The following CDKN2A variants were observed in gnomAD, a reference collection of about 807,000 sequenced individuals.
CDKN2A encodes the protein cyclin dependent kinase inhibitor 2A.
CDKN2A carries 3 observed loss-of-function variants against 11.1 expected under a neutral mutation model. The observed-to-expected ratio is 0.27, with a 90% CI of 0.12 to 0.70. The LOEUF is 0.70. Among genes scored for constraint, CDKN2A ranks in the 30% least tolerant of loss-of-function variants. The pLI is 0.77. For missense variants in CDKN2A, 265 were observed against 233.6 expected (o/e 1.13, Z -0.88); for synonymous variants, 122 against 108.1 (o/e 1.13, Z -0.80).
rs1008092249 is a variant in CDKN2A, at chr9:21,987,331, T to C, written c.-4+6551A>G. ...GCTTTGATTTTTCTTTTTTACATAA[T>C]TTTAGGTTGTCATGTTTATTACGAG... On this transcript the variant is annotated intron_variant, in intron 2 of 3. Transcript: ENST00000494262. Among the ~76,000 whole-genome samples, 88 of 151,546 alleles carry C rather than the reference T, an allele frequency of 5.8e-4. 1 individual carries two copies. The highest frequency in any genetic ancestry group is 1.6e-4 in the Non-Finnish European group (11 of 67,888).
intron 2 of CDKN2A, among the ~76,000 whole-genome samples, chr9:21,987,058 AT>A (rs1820315651): frequency 6.6e-6 from 1 of 152,122 alleles, no homozygotes; most frequent in African/African-American, 2.4e-5. Flanking sequence ...CTGGTGTAAT[AT>A]TAGACAAATT....
In CDKN2A at chr9:21,987,605, T is replaced by C. The variant is rs542491132; in HGVS notation, c.-4+6277A>G. On this transcript the variant is annotated intron_variant, in intron 2 of 3. Coordinates refer to the CDKN2A transcript ENST00000494262. Reference sequence around the variant, plus strand: ...TGTTATATTTTTTTCTCTCAAACTATGTTCTGACTGTAAAAATGTGGTATC... The same window carrying C: ...TGTTATATTTTTTTCTCTCAAACTACGTTCTGACTGTAAAAATGTGGTATC... Among the ~76,000 whole-genome samples the C allele has an allele frequency of 3.3e-5, 5 of 152,270 alleles. No individual in the cohort carries two copies. The South Asian group carries it at 8.3e-4, about 25-fold the overall frequency.
chr9:21,994,249 G>T, intron 1 of CDKN2A: 1 of 1,606,644 alleles, frequency 6.2e-7, no homozygotes. Flanking sequence ...CGTGAGCCGC[G>T]GGATGTGAAC....
chr9:21,973,368 TG>T (rs1356270385), intron 1 of CDKN2A, among the ~76,000 whole-genome samples: 1 of 152,252 alleles, frequency 6.6e-6, no homozygotes, highest in Non-Finnish European at 1.5e-5. Flanking sequence ...TAAACACCAA[TG>T]TAGTTAGGAT....
At chr9:21,980,427 C>A (rs1331777215) in intron 2 of CDKN2A, among the ~76,000 whole-genome samples, 2 of 152,072 alleles carry the variant, frequency 1.3e-5, no homozygotes. Context: ...TTTTCACATT[C>A]CATGATTTAT....
chr9:21,983,915 T>C (rs3731222), intron 2 of CDKN2A, among the ~76,000 whole-genome samples: 15,465 of 152,084 alleles, frequency 0.1, 977 homozygotes, highest in Non-Finnish European at 0.14. Context: ...GAATAAGTTA[T>C]GTAAACTTTC....
chr9:21,988,776 A>G lies in CDKN2A; in HGVS notation c.-4+5106T>C, dbSNP rs1252049035. ...AATAAAAGTTGAAAAAAAATCTACGAGGCACTATATTTTTAAAAATACCAC... is the reference window on the plus strand; with the variant it reads ...AATAAAAGTTGAAAAAAAATCTACGGGGCACTATATTTTTAAAAATACCAC... On this transcript the variant is annotated intron_variant, in intron 2 of 3. Transcript: ENST00000494262. This position sits in a 1 kb window ranked among gnomAD's most constrained non-coding sequence, Gnocchi z 4.1. 1.3e-5 allele frequency among the ~76,000 whole-genome samples: 2 copies of G among 152,196 alleles called. No homozygotes were observed. The highest frequency in any genetic ancestry group is 2.9e-5 in the Non-Finnish European group (2 of 68,044).
At chr9:21,971,345 A>C (rs1255615015) in intron 1 of CDKN2A, 137 bp from the exon 2 acceptor site, 19 of 1,504,690 alleles carry the variant, frequency 1.3e-5, no homozygotes, top group East Asian at 7.4e-5. Flanking sequence ...ATTTGCTTCC[A>C]GTTTCCAATT....
rs774267893 is a variant in CDKN2A, at chr9:21,974,012, T to G, written c.150+666A>C. Among the ~76,000 whole-genome samples the G allele has an allele frequency of 5.9e-5, 9 of 152,052 alleles. No homozygotes were observed. Among genetic ancestry groups the G allele is most frequent in the Non-Finnish European group, 1.3e-4 (9 of 67,998 alleles). ...TTCAAGCGATTCTCCTGCCTCAACC[T>G]CCCGAGTAGCTGGGATTACAGGCGC... is the stretch of plus-strand genomic sequence containing the variant. On this transcript the variant is annotated intron_variant, in intron 1 of 2. Coordinates refer to ENST00000304494, the MANE Select transcript of CDKN2A (RefSeq NM_000077.5). The surrounding 1 kb of genome is among the most constrained non-coding windows in gnomAD (Gnocchi z 5.2).
chr9:21,976,960 T>G (rs955492268), upstream of CDKN2A, among the ~76,000 whole-genome samples: 15 of 152,280 alleles, frequency 9.9e-5, no homozygotes, highest in Admixed American at 9.8e-4. Flanking sequence ...CTTAAGCACA[T>G]GCTTAATCTG....
At chr9:21,977,647 T>G (rs1820072541), upstream of CDKN2A, among the ~76,000 whole-genome samples, 1 of 152,226 alleles carries the variant, frequency 6.6e-6, no homozygotes, top group South Asian at 2.1e-4. Flanking sequence ...ATTACAGGCA[T>G]GAGCCATCGT....
intron 2 of CDKN2A, among the ~76,000 whole-genome samples, chr9:21,980,423 C>T (rs946457989): frequency 6.6e-6 from 1 of 152,158 alleles, no homozygotes; most frequent in Non-Finnish European, 1.5e-5. Context: ...TTACTTTTCA[C>T]ATTCCATGAT....
In CDKN2A at chr9:21,991,328, T is replaced by C. The variant is rs1820424576; in HGVS notation, c.-4+2554A>G. On this transcript the variant is annotated intron_variant, in intron 2 of 3. Coordinates refer to the CDKN2A transcript ENST00000494262. The surrounding 1 kb of genome is among the most constrained non-coding windows in gnomAD (Gnocchi z 5.2). Reference sequence around the variant, plus strand: ...TTTTTTTTAAGCTCATCAGCTATTGTTAGTGTTAGTGTATTTAATGTGTGT... The same window carrying C: ...TTTTTTTTAAGCTCATCAGCTATTGCTAGTGTTAGTGTATTTAATGTGTGT... 6.6e-6 allele frequency among the ~76,000 whole-genome samples: 1 copy of C among 151,908 alleles called. No individual in the cohort carries two copies. Among genetic ancestry groups the C allele is most frequent in the East Asian group, 1.9e-4 (1 of 5,176 alleles).
intron 2 of CDKN2A, among the ~76,000 whole-genome samples, chr9:21,986,376 A>C (rs1820296810): frequency 6.6e-6 from 1 of 152,032 alleles, no homozygotes; most frequent in African/African-American, 2.4e-5. Context: ...ACCTCCTTTC[A>C]ACCAATAAAT....
At position 21,994,132 on chromosome 9, in the gene CDKN2A, T is replaced by C. The variant is rs770519197; in HGVS notation, c.-175-79A>G. ...TGCGCCCCGGACTTTTCGAGGGCCT[T>C]TCCTACCTGGTCTTCTAGGAAGCGG... On this transcript the variant is annotated intron_variant, in intron 1 of 3. Transcript: ENST00000494262. The C allele has an allele frequency of 4.4e-6, 7 of 1,600,286 alleles. No individual in the cohort carries two copies. The highest frequency in any genetic ancestry group is 5.9e-6 in the Non-Finnish European group (7 of 1,179,786).
Position 21,968,088 on chromosome 9 carries a change from G to T in CDKN2A, c.*141C>A. 1 of 774,346 alleles carries T rather than the reference G, an allele frequency of 1.3e-6. No individual in the cohort carries two copies. Among genetic ancestry groups the T allele is most frequent in the South Asian group, 1.4e-5 (1 of 70,690 alleles). 48.0% of individuals were successfully genotyped at this position (774,346 alleles called of 1,614,324 possible). A position where few individuals can be genotyped will look rare whatever the true frequency, so the allele number is the denominator to read the frequency against. On this transcript the variant is annotated 3_prime_UTR_variant, in exon 3 of 3. Coordinates refer to ENST00000304494, the MANE Select transcript of CDKN2A (RefSeq NM_000077.5). This position sits in a 1 kb window ranked among gnomAD's most constrained non-coding sequence, Gnocchi z 4.7. ...AGGCATATATCTACGTTAAAAGGCA[G>T]GACATTTTTAAAAGCTCTATTTTCT...
At chr9:21,979,637 G>A (rs182131904), upstream of CDKN2A, among the ~76,000 whole-genome samples, 49 of 152,304 alleles carry the variant, frequency 3.2e-4, no homozygotes, top group East Asian at 7.7e-3. Context: ...TTCTATGAAT[G>A]AGGAGGTTAG....
At position 21,990,182 on chromosome 9, in the gene CDKN2A, G is replaced by C. The variant is rs565206887; in HGVS notation, c.-4+3700C>G. On this transcript the variant is annotated intron_variant, in intron 2 of 3. Coordinates refer to the CDKN2A transcript ENST00000494262. ...TGGGGTAGTGGGGGCGGAGAGAAGA[G>C]ATCCCAAGAAGGGCGCCAAGTGCTG... Among the ~76,000 whole-genome samples, 3 of 152,232 alleles carry C rather than the reference G, an allele frequency of 2.0e-5. No individual in the cohort carries two copies. The South Asian group carries it at 6.2e-4, about 32-fold the overall frequency.
upstream of CDKN2A, among the ~76,000 whole-genome samples, chr9:21,978,416 G>A (rs1030998746): frequency 5.3e-5 from 8 of 152,020 alleles, no homozygotes; most frequent in Non-Finnish European, 1.0e-4. Context: ...AAAATATAAA[G>A]TCCTGGATCT....
Sources: allele counts gnomAD v4.1 joint callset (sites outside exome capture counted in the v4.1 genomes callset), GRCh38; gene constraint gnomAD v4.1.1; non-coding constraint Gnocchi (gnomAD v3.1); transcripts MANE v1.5; gene names NCBI Gene and HGNC (gene_info 2026-07-23, HGNC 2026-07-21).